SORL1: variants seen among roughly 807,000 people sequenced by gnomAD.
SORL1 encodes the protein sortilin related receptor 1.
A neutral mutation model predicts 273.7 loss-of-function variants in SORL1; 127 were observed. That is an observed-to-expected ratio of 0.46 (90% CI 0.40 to 0.54). The LOEUF (loss-of-function observed/expected upper bound fraction) is 0.54. Ranked by LOEUF, SORL1 falls within the 20% of genes least tolerant of loss-of-function variation. The pLI, the probability that SORL1 is intolerant of heterozygous loss-of-function variation, is 0.00. For missense variants in SORL1, 2,494 were observed against 2,846.1 expected, an observed-to-expected ratio of 0.88 and a Z score of 2.81; for synonymous variants, 1,031 against 1,067.4, an observed-to-expected ratio of 0.97 and a Z score of 0.66.
At chr11:121,486,726 G>A (rs112817319) in intron 3 of SORL1, among the ~76,000 whole-genome samples, 16,651 of 151,888 alleles carry the variant, frequency 0.11, 1,002 homozygotes, top group African/African-American at 0.16. Flanking sequence ...TGATCCCCCC[G>A]CCTCAGCCTC....
chr11:121,533,701 G>A (rs1862231852), intron 12 of SORL1, among the ~76,000 whole-genome samples: 2 of 152,186 alleles, frequency 1.3e-5, no homozygotes, highest in Admixed American at 1.3e-4. Context: ...AGTGAGAGGT[G>A]GGTGGTTTGG....
intron 5 of SORL1, among the ~76,000 whole-genome samples, chr11:121,495,339 C>A (rs1322260059): frequency 1.3e-5 from 2 of 152,130 alleles, no homozygotes; most frequent in Non-Finnish European, 2.9e-5. Flanking sequence ...CCCTCCCTAC[C>A]CTGGCCTCAG....
At chr11:121,533,468 T>C (rs1402217246) in intron 12 of SORL1, among the ~76,000 whole-genome samples, 1 of 152,214 alleles carries the variant, frequency 6.6e-6, no homozygotes, top group South Asian at 2.1e-4. Context: ...TACACCCTTA[T>C]GTTCTGATTT....
At chr11:121,480,643 G>A (rs1861358691) in intron 3 of SORL1, among the ~76,000 whole-genome samples, 1 of 148,078 alleles carries the variant, frequency 6.8e-6, no homozygotes, top group Admixed American at 6.7e-5. Flanking sequence ...CTATAGGCAG[G>A]CTTCATCTCC....
At chr11:121,604,765 G>T (rs1180291839) in intron 33 of SORL1, among the ~76,000 whole-genome samples, 2 of 152,052 alleles carry the variant, frequency 1.3e-5, no homozygotes, top group Admixed American at 6.5e-5. Context: ...AAAATATCAC[G>T]ACCGGAAAAG....
intron 22 of SORL1, 60 bp downstream of exon 22, chr11:121,567,173 A>AG: frequency 7.4e-7 from 1 of 1,356,580 alleles, no homozygotes; most frequent in African/African-American, 1.4e-5. Context: ...GCTCCCCGCC[A>AG]GGGGAGGGAG....
At chr11:121,539,743 C>T (rs1349594657) in intron 12 of SORL1, among the ~76,000 whole-genome samples, 4 of 151,704 alleles carry the variant, frequency 2.6e-5, no homozygotes, top group Non-Finnish European at 5.9e-5. Flanking sequence ...AAAGTATTTT[C>T]AATTCAAAGT....
intron 12 of SORL1, among the ~76,000 whole-genome samples, chr11:121,541,809 C>T (rs926878174): frequency 1.3e-5 from 2 of 152,190 alleles, no homozygotes; most frequent in African/African-American, 4.8e-5. Context: ...CCCTCTTCTC[C>T]TTCTTCGACA....
intron 6 of SORL1, among the ~76,000 whole-genome samples, chr11:121,501,754 A>T (rs1265001530): frequency 6.6e-6 from 1 of 152,182 alleles, no homozygotes; most frequent in Admixed American, 6.5e-5. Flanking sequence ...ACCTCCCACC[A>T]GGTCCCTCCC....
At chr11:121,497,118 A>G in intron 6 of SORL1, 69 bp downstream of exon 6, 2 of 1,364,420 alleles carry the variant, frequency 1.5e-6, no homozygotes, top group Non-Finnish European at 2.0e-6. Context: ...TTCTGTGATT[A>G]AACAGGTGAG....
At chr11:121,531,155 G>T (rs1486095197) in intron 11 of SORL1, among the ~76,000 whole-genome samples, 2 of 152,188 alleles carry the variant, frequency 1.3e-5, no homozygotes, top group African/African-American at 4.8e-5. Flanking sequence ...CACTTTGGGA[G>T]GCCGAGGCAG....
At chr11:121,548,317 A>G (rs577541089) in intron 14 of SORL1, among the ~76,000 whole-genome samples, 1 of 152,302 alleles carries the variant, frequency 6.6e-6, no homozygotes, top group East Asian at 1.9e-4. Context: ...GTGCTTTGCT[A>G]TTGGAGGCAA....
At chr11:121,526,824 A>T (rs1862130287) in intron 11 of SORL1, among the ~76,000 whole-genome samples, 1 of 152,122 alleles carries the variant, frequency 6.6e-6, no homozygotes, top group Non-Finnish European at 1.5e-5. Context: ...CATTAGTTCT[A>T]GTAGGTTTTT....
At chr11:121,602,874 C>T (rs897068607) in intron 32 of SORL1, among the ~76,000 whole-genome samples, 3 of 152,184 alleles carry the variant, frequency 2.0e-5, no homozygotes, top group African/African-American at 7.2e-5. Flanking sequence ...AGGCAGAGGC[C>T]GTTAACCTAC....
intron 12 of SORL1, among the ~76,000 whole-genome samples, 200 bp downstream of exon 12, chr11:121,532,752 C>T (rs1359790667): frequency 6.6e-6 from 1 of 150,462 alleles, no homozygotes; most frequent in Non-Finnish European, 1.5e-5. Flanking sequence ...ATGGTGCGAT[C>T]TCAGCTCACT....
At chr11:121,472,436 A>C (rs146872702) in intron 2 of SORL1, among the ~76,000 whole-genome samples, 1 of 152,356 alleles carries the variant, frequency 6.6e-6, no homozygotes, top group African/African-American at 2.4e-5. Context: ...GTCACTCAGC[A>C]TGTCAGTGGG....
intron 14 of SORL1, among the ~76,000 whole-genome samples, chr11:121,547,715 C>G (rs1207668571): frequency 6.6e-6 from 1 of 151,982 alleles, no homozygotes; most frequent in African/African-American, 2.4e-5. Context: ...CCGCTCCACC[C>G]CTCCCAATTG....
At position 121,604,358 on chromosome 11, in the gene SORL1, G is replaced by A. The variant is rs373109464; in HGVS notation, c.4651+34G>A. The A allele has an allele frequency of 8.7e-6, 14 of 1,607,492 alleles. No individual in the cohort carries two copies. The African/African-American group carries it at 1.7e-4, about 20-fold the overall frequency. On this transcript the variant is annotated intron_variant, in intron 33 of 47. Coordinates refer to ENST00000260197, the MANE Select transcript of SORL1 (RefSeq NM_003105.6). Reference sequence around the variant, plus strand: ...CGGTCCACGGGCTGGGCTGGGCTGGGCTGGGCTGGGAGGCTCGCTTACCCC... The same window carrying A: ...CGGTCCACGGGCTGGGCTGGGCTGGACTGGGCTGGGAGGCTCGCTTACCCC...
chr11:121,586,171 C>T, intron 26 of SORL1, 51 bp from the exon 27 acceptor site: 1 of 1,445,834 alleles, frequency 6.9e-7, no homozygotes. Context: ...TGTGTGAGTG[C>T]CTGCCTGTTT....
Sources: allele counts gnomAD v4.1 joint callset (sites outside exome capture counted in the v4.1 genomes callset), GRCh38; gene constraint gnomAD v4.1.1; transcripts MANE v1.5; gene names NCBI Gene and HGNC (gene_info 2026-07-23, HGNC 2026-07-21).